ZNF595: variants seen among roughly 807,000 people sequenced by gnomAD.
ZNF595 encodes zinc finger protein 595.
In ZNF595, 9 loss-of-function variants were observed where a neutral mutation model predicts 19.4. That is an observed-to-expected ratio of 0.46 (90% CI 0.28 to 0.81). ZNF595 has a LOEUF of 0.81. Among genes scored for constraint, ZNF595 ranks in the 30% least tolerant of loss-of-function variants. The probability of loss-of-function intolerance (pLI) is 0.11; values close to 1 mark genes in which losing one functional copy is unlikely to be tolerated. For missense variants in ZNF595, 729 were observed against 736.0 expected, an observed-to-expected ratio of 0.99 and a Z score of 0.11; for synonymous variants, 255 against 255.9, an observed-to-expected ratio of 1.00 and a Z score of 0.03.
rs782596471 is a variant in ZNF595, at chr4:87,292, A to C, written c.1788A>C (p.Glu596Asp). The C allele has an allele frequency of 1.2e-5, 20 of 1,613,728 alleles. No individual in the cohort carries two copies. The South Asian group carries it at 2.1e-4, about 17-fold the overall frequency. The change falls in exon 4 of 4, where the codon GAA becomes GAC. Residue 596 changes from glutamate to aspartate, a missense_variant. Around this residue, in one of 2 missense-constraint regions of ZNF595, gnomAD observed 729 missense variants for 675.3 expected, o/e 1.08. Coordinates refer to ENST00000610261, the MANE Select transcript of ZNF595 (RefSeq NM_182524.4). ...GAGAGAAACCCTTCACATGTGAAGA[A>C]TGTGGCAAAGCCTTCAATTGGTCCT... is the stretch of plus-strand genomic sequence containing the variant. Reference protein sequence around the residue: ...HTGEKPFTCEECGKAFNWSSS... With the variant: ...HTGEKPFTCEDCGKAFNWSSS...
At chr4:77,832 G>T (rs1345250225) in intron 3 of ZNF595, among the ~76,000 whole-genome samples, 1 of 152,136 alleles carries the variant, frequency 6.6e-6, no homozygotes, top group Non-Finnish European at 1.5e-5. Flanking sequence ...GTGAGCAGGT[G>T]TGGCTCCTGA....
chr4:84,437 G>A (rs573647711), intron 3 of ZNF595, among the ~76,000 whole-genome samples: 105 of 152,256 alleles, frequency 6.9e-4, no homozygotes, highest in African/African-American at 2.4e-3. Flanking sequence ...TCTTGAAAGA[G>A]CTTTACTTTT....
intron 3 of ZNF595, among the ~76,000 whole-genome samples, chr4:67,017 TG>T (rs1581333201): frequency 7.0e-6 from 1 of 143,614 alleles, no homozygotes; most frequent in Non-Finnish European, 1.5e-5. Flanking sequence ...TGAATATCAC[TG>T]TGTAGTATGG....
intron 3 of ZNF595, among the ~76,000 whole-genome samples, chr4:60,862 A>G (rs1341226864): frequency 2.0e-4 from 31 of 151,672 alleles, no homozygotes; most frequent in African/African-American, 6.1e-4. Flanking sequence ...GAAATTTGTA[A>G]TTTGAACTCT....
chr4:70,534 C>G (rs1553797719), intron 3 of ZNF595, among the ~76,000 whole-genome samples: 1 of 152,072 alleles, frequency 6.6e-6, no homozygotes, highest in Non-Finnish European at 1.5e-5. Context: ...GACAGAGTTT[C>G]ACCATGTTGG....
At position 86,219 on chromosome 4, in the gene ZNF595, C is replaced by A. The variant is rs887165839; in HGVS notation, c.715C>A (p.Arg239=). Residue 239 remains arginine, a synonymous_variant, in exon 4 of 4, where the codon CGG becomes AGG. Coordinates refer to ENST00000610261, the MANE Select transcript of ZNF595 (RefSeq NM_182524.4). ...TGAAGAATGTGGCAAAGCCTTTAGACGGTCCACAGTTCTGAACGAACATAA... is the reference window on the plus strand; with the variant it reads ...TGAAGAATGTGGCAAAGCCTTTAGAAGGTCCACAGTTCTGAACGAACATAA... ...TCEECGKAFR[R]STVLNEHKKI... The A allele has an allele frequency of 1.2e-6, 2 of 1,610,496 alleles. No homozygotes were observed. Among genetic ancestry groups the A allele is most frequent in the Admixed American group, 1.7e-5 (1 of 59,754 alleles).
intron 3 of ZNF595, among the ~76,000 whole-genome samples, chr4:85,347 C>T (rs1553800850): frequency 6.6e-6 from 1 of 152,088 alleles, no homozygotes; most frequent in Admixed American, 6.5e-5. Flanking sequence ...CCCCAGAAAG[C>T]CAGAAGTAAG....
In ZNF595 at chr4:87,746, A is replaced by G. The variant is rs1356352264; in HGVS notation, c.*295A>G. Reference sequence around the variant, plus strand: ...TTTTTTTTTTTTTTTTTTGAGACAGAGTCTCGTTCTGTCGCCCAGGCTGGA... The same window carrying G: ...TTTTTTTTTTTTTTTTTTGAGACAGGGTCTCGTTCTGTCGCCCAGGCTGGA... On this transcript the variant is annotated 3_prime_UTR_variant, in exon 4 of 4. Coordinates refer to ENST00000610261, the MANE Select transcript of ZNF595 (RefSeq NM_182524.4). 4 of 153,910 alleles carry G rather than the reference A, an allele frequency of 2.6e-5. No homozygotes were observed. The highest frequency in any genetic ancestry group is 1.1e-4 in the African/African-American group (4 of 34,870). 9.5% of individuals were successfully genotyped at this position (153,910 alleles called of 1,614,324 possible).
chr4:77,223 T>C (rs1713704439), intron 3 of ZNF595, among the ~76,000 whole-genome samples: 2 of 152,060 alleles, frequency 1.3e-5, no homozygotes. Flanking sequence ...GTTAAAGCTT[T>C]CTCTAAAATT....
intron 3 of ZNF595, among the ~76,000 whole-genome samples, chr4:75,716 CT>C (rs573882570): frequency 2.0e-5 from 3 of 151,440 alleles, no homozygotes; most frequent in Non-Finnish European, 4.4e-5. Flanking sequence ...GCTGTCTTCC[CT>C]TGTGTTTTCT....
intron 3 of ZNF595, among the ~76,000 whole-genome samples, chr4:84,340 CAT>C (rs1488692021): frequency 7.9e-5 from 12 of 152,136 alleles, no homozygotes; most frequent in Non-Finnish European, 1.5e-5. Flanking sequence ...TTTCTTGCAT[CAT>C]ATTATTTTCA....
chr4:75,865 A>C (rs1448241080), intron 3 of ZNF595, among the ~76,000 whole-genome samples: 4 of 150,596 alleles, frequency 2.7e-5, no homozygotes, highest in African/African-American at 9.8e-5. Context: ...TCTCACAGTT[A>C]TAAAATCTAG....
chr4:88,126 T>G lies in ZNF595; in HGVS notation c.*675T>G, dbSNP rs536750016. ...AATTCACACATTTCTAAGTCATGAA[T>G]GCTTTTAAAAAATGTTCCATATTTA... is the stretch of plus-strand genomic sequence containing the variant. On this transcript the variant is annotated 3_prime_UTR_variant, in exon 4 of 4. Transcript: ENST00000610261. 111 of 152,318 alleles carry G rather than the reference T, an allele frequency of 7.3e-4. No individual in the cohort carries two copies. The highest frequency in any genetic ancestry group is 2.6e-3 in the African/African-American group (108 of 41,576). 9.4% of individuals were successfully genotyped at this position (152,318 alleles called of 1,614,324 possible). A position where few individuals can be genotyped will look rare whatever the true frequency, so the allele number is the denominator to read the frequency against.
At chr4:58,035 G>A (rs1581315487) in intron 1 of ZNF595, among the ~76,000 whole-genome samples, 1 of 151,358 alleles carries the variant, frequency 6.6e-6, no homozygotes, top group East Asian at 1.9e-4. Flanking sequence ...TCCCAACTTT[G>A]CCCAGATCCC....
chr4:74,297 A>G (rs962928386), intron 3 of ZNF595, among the ~76,000 whole-genome samples: 1 of 151,716 alleles, frequency 6.6e-6, no homozygotes, highest in Admixed American at 6.5e-5. Flanking sequence ...TGAGAAGAAT[A>G]TAAGTTATAC....
chr4:63,243 G>C (rs1338944996), intron 3 of ZNF595, among the ~76,000 whole-genome samples: 1 of 142,910 alleles, frequency 7.0e-6, no homozygotes. Context: ...AAATTAGAAA[G>C]TATGATGTCC....
chr4:55,786 TG>T (rs1712617849), intron 1 of ZNF595, among the ~76,000 whole-genome samples: 3 of 151,804 alleles, frequency 2.0e-5, no homozygotes, highest in African/African-American at 7.2e-5. Context: ...GTATGACAAA[TG>T]GTGCTTTCAA....
chr4:69,369 C>G (rs1713336081), intron 3 of ZNF595, among the ~76,000 whole-genome samples: 1 of 152,148 alleles, frequency 6.6e-6, no homozygotes, highest in South Asian at 2.1e-4. Context: ...CAAGAGAATG[C>G]TAGAGTTTTT....
At chr4:77,146 T>A (rs535718820) in intron 3 of ZNF595, among the ~76,000 whole-genome samples, 126 of 151,964 alleles carry the variant, frequency 8.3e-4, no homozygotes, top group Middle Eastern at 3.4e-3. Context: ...TTTTTTTTTT[T>A]AAATTAGGAA....
Sources: gnomAD v4.1 joint callset for allele counts (sites outside exome capture counted in the v4.1 genomes callset) on GRCh38, gnomAD v4.1.1 for gene constraint, gnomAD v4.1.1 regional missense constraint, MANE v1.5 for transcripts, NCBI Gene and HGNC (gene_info 2026-07-23, HGNC 2026-07-21) for gene names.